Variants in DPYD observed in about 807,000 individuals in gnomAD.
The protein encoded by DPYD is dihydropyrimidine dehydrogenase.
DPYD carries 109 observed loss-of-function variants against 116.2 expected under a neutral mutation model. The ratio of observed to expected loss-of-function variants is 0.94; its 90% CI spans 0.80 to 1.10. DPYD has a LOEUF of 1.10. Among genes scored for constraint, DPYD ranks in the 50% least tolerant of loss-of-function variants. The pLI, the probability that DPYD is intolerant of heterozygous loss-of-function variation, is 0.00. For synonymous variants in DPYD, 440 were observed against 432.0 expected (o/e 1.02, Z -0.23); for missense variants, 1,302 against 1,254.5 (o/e 1.04, Z -0.57).
At chr1:97,595,613 A>C (rs905959844) in intron 8 of DPYD, among the ~76,000 whole-genome samples, 12 of 151,896 alleles carry the variant, frequency 7.9e-5, no homozygotes, top group Non-Finnish European at 1.8e-4. Context: ...AAATTAAAGG[A>C]AAAAACAATG....
At chr1:97,823,657 G>T (rs1669080567) in intron 3 of DPYD, among the ~76,000 whole-genome samples, 1 of 151,560 alleles carries the variant, frequency 6.6e-6, no homozygotes, top group African/African-American at 2.4e-5. Context: ...CCATTTTCTT[G>T]CAAATGACGG....
intron 5 of DPYD, among the ~76,000 whole-genome samples, chr1:97,710,664 C>T (rs1227766239): frequency 6.6e-6 from 1 of 151,628 alleles, no homozygotes; most frequent in Admixed American, 6.6e-5. Context: ...CATTCAATTT[C>T]CTTTTCAATT....
At chr1:97,349,902 G>T (rs1336169990) in intron 16 of DPYD, among the ~76,000 whole-genome samples, 1 of 140,500 alleles carries the variant, frequency 7.1e-6, no homozygotes, top group East Asian at 2.1e-4. Context: ...TCTAGTTCTA[G>T]ATCCCTGAGG....
chr1:97,294,739 T>C (rs1470913296), intron 18 of DPYD, among the ~76,000 whole-genome samples: 1 of 152,216 alleles, frequency 6.6e-6, no homozygotes, highest in Non-Finnish European at 1.5e-5. Flanking sequence ...GGCAGCTACA[T>C]TTCTAGCTGC....
At chr1:97,409,646 C>A (rs972433847) in intron 14 of DPYD, among the ~76,000 whole-genome samples, 2 of 152,180 alleles carry the variant, frequency 1.3e-5, no homozygotes, top group African/African-American at 4.8e-5. Flanking sequence ...AGCTTAGATT[C>A]ATTCACTGTG....
chr1:97,412,742 T>G (rs531326370), intron 14 of DPYD, among the ~76,000 whole-genome samples: 113 of 152,338 alleles, frequency 7.4e-4, no homozygotes, highest in Admixed American at 2.6e-3. Context: ...ATAGCACTGA[T>G]TGTTTTCATT....
In DPYD at chr1:97,812,047, T is replaced by G. The variant is rs187457197; in HGVS notation, c.233+16067A>C. Among the ~76,000 whole-genome samples the G allele has an allele frequency of 3.4e-4, 52 of 152,296 alleles. 1 individual carries two copies. The highest frequency in any genetic ancestry group is 6.8e-3 in the Middle Eastern group (2 of 294). On this transcript the variant is annotated intron_variant, in intron 3 of 22. Transcript: ENST00000370192. ...TTATATAGCTGTGACTATTTTCAGA[T>G]TTTCCTTTACCCACTGCTTCTTCCC...
At chr1:97,248,689 T>C (rs938040419) in intron 18 of DPYD, among the ~76,000 whole-genome samples, 1 of 152,090 alleles carries the variant, frequency 6.6e-6, no homozygotes, top group African/African-American at 2.4e-5. Flanking sequence ...AAAACAAGGG[T>C]GAGACTATCC....
At chr1:97,852,684 T>C (rs1670632971) in intron 2 of DPYD, among the ~76,000 whole-genome samples, 1 of 152,160 alleles carries the variant, frequency 6.6e-6, no homozygotes, top group Non-Finnish European at 1.5e-5. Context: ...ATATAGCAAC[T>C]TTCTGAATAC....
At chr1:97,556,444 T>C (rs1378907828) in intron 11 of DPYD, among the ~76,000 whole-genome samples, 5 of 149,068 alleles carry the variant, frequency 3.4e-5, no homozygotes, top group East Asian at 2.0e-4. Context: ...CATGCTGGTG[T>C]GCTGCACCCA....
chr1:97,323,782 A>G (rs1333543915), intron 16 of DPYD, among the ~76,000 whole-genome samples: 1 of 151,022 alleles, frequency 6.6e-6, no homozygotes, highest in East Asian at 1.9e-4. Flanking sequence ...AACACTCAGT[A>G]CAAATAGCGT....
At chr1:97,318,219 C>A (rs537240729) in intron 16 of DPYD, among the ~76,000 whole-genome samples, 3 of 143,514 alleles carry the variant, frequency 2.1e-5, no homozygotes, top group African/African-American at 7.6e-5. Context: ...GGATCAAATT[C>A]ACACATAACA....
rs1232582100 is a variant in DPYD at position 97,920,919 on chromosome 1, C to T, written c.4G>A (p.Ala2Thr). The change falls in exon 1 of 23, where the codon GCC becomes ACC. Residue 2 changes from alanine (A) to threonine (T), a missense_variant. Transcript: ENST00000370192. ...GCCGAGTCCTTACTGAGCACAGGGGCCATGGCAGTGCCTACAGTCTCGAGT... is the reference window on the plus strand; with the variant it reads ...GCCGAGTCCTTACTGAGCACAGGGGTCATGGCAGTGCCTACAGTCTCGAGT... M[A>T]PVLSKDSADI... 6.3e-7 allele frequency: 1 copy of T among 1,589,662 alleles called. No homozygotes were observed. The highest frequency in any genetic ancestry group is 8.6e-7 in the Non-Finnish European group (1 of 1,168,478).
chr1:97,166,438 A>T (rs879468836), intron 20 of DPYD, among the ~76,000 whole-genome samples: 2 of 152,140 alleles, frequency 1.3e-5, no homozygotes, highest in Non-Finnish European at 2.9e-5. Flanking sequence ...GAGAAAACAG[A>T]TAATCAGAAA....
At chr1:97,413,447 A>G (rs1674117788) in intron 14 of DPYD, among the ~76,000 whole-genome samples, 1 of 152,010 alleles carries the variant, frequency 6.6e-6, no homozygotes, top group East Asian at 1.9e-4. Context: ...AGCTACTGTC[A>G]AGAGTTTTTC....
intron 3 of DPYD, among the ~76,000 whole-genome samples, chr1:97,796,539 ACT>A (rs1393351552): frequency 6.6e-6 from 1 of 151,902 alleles, no homozygotes; most frequent in Non-Finnish European, 1.5e-5. Context: ...CTTCAATAAA[ACT>A]CTTTCTTAAT....
chr1:97,425,709 T>C (rs184618745), intron 14 of DPYD, among the ~76,000 whole-genome samples: 41 of 152,228 alleles, frequency 2.7e-4, no homozygotes, highest in Non-Finnish European at 1.3e-4. Flanking sequence ...TGTCCAATCA[T>C]GCTATGGCTT....
chr1:97,665,684 C>A (rs1330189690), intron 8 of DPYD, among the ~76,000 whole-genome samples: 1 of 152,130 alleles, frequency 6.6e-6, no homozygotes, highest in Admixed American at 6.5e-5. Flanking sequence ...ATGAGTCTAT[C>A]TTTAATTAAT....
At chr1:97,716,902 A>C (rs1049142778) in intron 5 of DPYD, among the ~76,000 whole-genome samples, 3 of 152,006 alleles carry the variant, frequency 2.0e-5, no homozygotes, top group Non-Finnish European at 4.4e-5. Flanking sequence ...ACATTTTATC[A>C]ATTACATGAA....
Sources: gnomAD v4.1 joint callset for allele counts (sites outside exome capture counted in the v4.1 genomes callset) on GRCh38, gnomAD v4.1.1 for gene constraint, MANE v1.5 for transcripts, NCBI Gene and HGNC (gene_info 2026-07-23, HGNC 2026-07-21) for gene names.